The following AGBL1 variants were observed in gnomAD, a reference collection of about 807,000 sequenced individuals.
The protein encoded by AGBL1 is cytosolic carboxypeptidase 4.
Under a neutral mutation model 118.9 loss-of-function variants are expected in AGBL1, and 130 were observed. That is an observed-to-expected ratio of 1.09 (90% CI 0.95 to 1.26). The LOEUF (loss-of-function observed/expected upper bound fraction) is 1.26, where lower values mean the gene tolerates loss of function less well. Among genes scored for constraint, AGBL1 ranks in the 50% most tolerant of loss-of-function variants. AGBL1 has a pLI of 0.00. For missense variants in AGBL1, 1,584 were observed against 1,298.1 expected (o/e 1.22, Z -3.38); for synonymous variants, 555 against 478.9 (o/e 1.16, Z -2.08).
chr15:86,576,476 A>G (rs1243648508), intron 21 of AGBL1, among the ~76,000 whole-genome samples: 1 of 152,202 alleles, frequency 6.6e-6, no homozygotes, highest in Non-Finnish European at 1.5e-5. Context: ...CCTTATTTGA[A>G]CATGGTTTGA....
At chr15:86,444,441 T>C (rs1053124021) in intron 18 of AGBL1, among the ~76,000 whole-genome samples, 5 of 150,606 alleles carry the variant, frequency 3.3e-5, no homozygotes, top group African/African-American at 1.3e-4. Context: ...TTCACATGAC[T>C]CTCAGAAGTG....
intron 23 of AGBL1, among the ~76,000 whole-genome samples, chr15:86,943,402 CTG>C (rs1269450557): frequency 2.0e-5 from 3 of 152,178 alleles, no homozygotes; most frequent in Non-Finnish European, 2.9e-5. Flanking sequence ...ATTTTGGAAT[CTG>C]TGATATCTCT....
intron 21 of AGBL1, among the ~76,000 whole-genome samples, chr15:86,652,188 T>C (rs888283611): frequency 4.6e-5 from 7 of 152,164 alleles, no homozygotes; most frequent in African/African-American, 1.7e-4. Flanking sequence ...GGTCAAAAGA[T>C]TGGCAGACAA....
intron 17 of AGBL1, among the ~76,000 whole-genome samples, chr15:86,389,466 G>A (rs1356585203): frequency 6.6e-6 from 1 of 152,110 alleles, no homozygotes; most frequent in East Asian, 1.9e-4. Flanking sequence ...TTCACTTTCG[G>A]ACAAATCAGA....
At chr15:86,820,691 G>A (rs151089267) in intron 22 of AGBL1, among the ~76,000 whole-genome samples, 16,119 of 152,086 alleles carry the variant, frequency 0.11, 1,612 homozygotes, top group African/African-American at 0.24. Context: ...ACAGAAACTG[G>A]AGAGGATGTG....
intron 23 of AGBL1, among the ~76,000 whole-genome samples, chr15:86,974,556 T>TTA (rs2081152439): frequency 5.5e-5 from 7 of 126,512 alleles, no homozygotes; most frequent in African/African-American, 8.9e-5. Context: ...TATAATTATA[T>TTA]AATATAAATT....
chr15:86,721,508 TAAG>T (rs1440420462), intron 22 of AGBL1, among the ~76,000 whole-genome samples: 4 of 152,154 alleles, frequency 2.6e-5, no homozygotes, highest in Non-Finnish European at 5.9e-5. Context: ...CTCAAAATAA[TAAG>T]AGCTATCTAT....
Position 86,615,645 on chromosome 15 carries a change from C to T in AGBL1, c.2995-58628C>T, listed in dbSNP as rs996773389. 1.3e-4 allele frequency among the ~76,000 whole-genome samples: 20 copies of T among 152,120 alleles called. No individual in the cohort carries two copies. Among genetic ancestry groups the T allele is most frequent in the African/African-American group, 2.2e-4 (9 of 41,434 alleles). On this transcript the variant is annotated intron_variant, in intron 21 of 22. Coordinates refer to ENST00000614907, the MANE Select transcript of AGBL1 (RefSeq NM_001386094.1). This position sits in a 1 kb window ranked among gnomAD's most constrained non-coding sequence, Gnocchi z 4.3. ...TGAGTGTAACAGAGCACTGAGGCTC[C>T]GGTTCACCTCTGGACAGCTGGCATG...
intron 22 of AGBL1, among the ~76,000 whole-genome samples, chr15:86,783,167 C>G (rs767043758): frequency 6.6e-6 from 1 of 152,132 alleles, no homozygotes; most frequent in Non-Finnish European, 1.5e-5. Context: ...AATTGTTACC[C>G]CCTGCTTTCC....
intron 22 of AGBL1, among the ~76,000 whole-genome samples, chr15:86,864,354 C>G (rs919105773): frequency 1.3e-5 from 2 of 152,062 alleles, no homozygotes; most frequent in African/African-American, 4.8e-5. Context: ...TCCCATCTAC[C>G]AAAAAATGTA....
In AGBL1 at chr15:86,794,380, A is replaced by C. The variant is rs146779241; in HGVS notation, c.3159-112707A>C. On this transcript the variant is annotated intron_variant, in intron 22 of 22. Coordinates refer to ENST00000614907, the MANE Select transcript of AGBL1 (RefSeq NM_001386094.1). Reference sequence around the variant, plus strand: ...CCACAGAGAAGATAATTCTATTTTTATGGAATGGCCAAAATAGGCAAATCC... The same window carrying C: ...CCACAGAGAAGATAATTCTATTTTTCTGGAATGGCCAAAATAGGCAAATCC... 2.6e-4 allele frequency among the ~76,000 whole-genome samples: 40 copies of C among 152,328 alleles called. No individual in the cohort carries two copies. The South Asian group carries it at 5.0e-3, about 19-fold the overall frequency.
At chr15:86,242,871 G>A (rs1350604453) in intron 6 of AGBL1, among the ~76,000 whole-genome samples, 1 of 152,204 alleles carries the variant, frequency 6.6e-6, no homozygotes, top group African/African-American at 2.4e-5. Context: ...CTGTCATGTG[G>A]CCCCACATTG....
intron 16 of AGBL1, among the ~76,000 whole-genome samples, chr15:86,283,593 T>C (rs538680394): frequency 6.6e-6 from 1 of 152,156 alleles, no homozygotes; most frequent in South Asian, 2.1e-4. Flanking sequence ...AGACTCAGAA[T>C]AAATGAAGAG....
intron 18 of AGBL1, among the ~76,000 whole-genome samples, chr15:86,458,694 A>G (rs1465834383): frequency 6.6e-6 from 1 of 152,210 alleles, no homozygotes; most frequent in Admixed American, 6.5e-5. Context: ...AGATGAGAAC[A>G]TTAAGGCAGA....
intron 23 of AGBL1, among the ~76,000 whole-genome samples, chr15:86,947,179 A>C (rs1016221996): frequency 2.0e-5 from 3 of 152,166 alleles, no homozygotes; most frequent in African/African-American, 7.2e-5. Context: ...GAATAATGAA[A>C]GCTGCCCGGC....
intron 1 of AGBL1, among the ~76,000 whole-genome samples, chr15:86,128,271 A>G (rs921290321): frequency 1.3e-5 from 2 of 151,812 alleles, no homozygotes; most frequent in African/African-American, 4.8e-5. Context: ...GTGCAGGGGA[A>G]CTCCCATTTA....
At chr15:86,113,882 A>G (rs1178030719) in intron 1 of AGBL1, among the ~76,000 whole-genome samples, 1 of 152,166 alleles carries the variant, frequency 6.6e-6, no homozygotes, top group Admixed American at 6.5e-5. Context: ...TACAGTGCTT[A>G]TTCTCCATGC....
intron 18 of AGBL1, among the ~76,000 whole-genome samples, chr15:86,451,737 C>T (rs2082196218): frequency 6.6e-6 from 1 of 152,170 alleles, no homozygotes; most frequent in East Asian, 1.9e-4. Flanking sequence ...CCATGTCTCC[C>T]TTTTTCTCCA....
chr15:86,187,555 A>G (rs1356119370), intron 5 of AGBL1, among the ~76,000 whole-genome samples: 1 of 152,198 alleles, frequency 6.6e-6, no homozygotes, highest in East Asian at 1.9e-4. Flanking sequence ...CTCAATTTTT[A>G]CACCTTAAAA....
Sources: gnomAD v4.1 joint callset for allele counts (sites outside exome capture counted in the v4.1 genomes callset) on GRCh38, gnomAD v4.1.1 for gene constraint, Gnocchi (gnomAD v3.1) non-coding constraint, MANE v1.5 for transcripts, NCBI Gene and HGNC (gene_info 2026-07-23, HGNC 2026-07-21) for gene names.